FNDC3B: variants seen among roughly 807,000 people sequenced by gnomAD.
The protein encoded by FNDC3B is fibronectin type III domain-containing protein 3B.
Under a neutral mutation model 151.5 loss-of-function variants are expected in FNDC3B, and 12 were observed. That is an observed-to-expected ratio of 0.08 (90% confidence interval 0.05 to 0.13). The LOEUF is 0.13. Ranked by LOEUF, FNDC3B falls within the 10% of genes least tolerant of loss-of-function variation. The pLI is 1.00. For missense variants in FNDC3B, 1,214 were observed against 1,505.3 expected (o/e 0.81, Z 3.20); for synonymous variants, 528 against 549.0 (o/e 0.96, Z 0.54).
chr3:172,178,654 G>T (rs994386976), intron 3 of FNDC3B, among the ~76,000 whole-genome samples: 3 of 152,190 alleles, frequency 2.0e-5, no homozygotes, highest in African/African-American at 7.2e-5. Flanking sequence ...ACACTCAGCC[G>T]GGGCATCCCT....
intron 3 of FNDC3B, among the ~76,000 whole-genome samples, chr3:172,206,813 T>C (rs1725459294): frequency 6.6e-6 from 1 of 152,158 alleles, no homozygotes; most frequent in South Asian, 2.1e-4. Flanking sequence ...TTTTGCACAT[T>C]GTATTGACCA....
chr3:172,043,461 C>T (rs1716194714), intron 1 of FNDC3B, among the ~76,000 whole-genome samples: 1 of 152,184 alleles, frequency 6.6e-6, no homozygotes. Flanking sequence ...ATCCTCTCCC[C>T]TTAGCCTCTC....
At chr3:172,332,289 T>C (rs1732723445) in intron 13 of FNDC3B, among the ~76,000 whole-genome samples, 1 of 152,158 alleles carries the variant, frequency 6.6e-6, no homozygotes, top group African/African-American at 2.4e-5. Flanking sequence ...TTTTTAATTG[T>C]AATAAACTTA....
At chr3:172,386,132 T>G (rs1281906851) in intron 25 of FNDC3B, among the ~76,000 whole-genome samples, 1 of 152,214 alleles carries the variant, frequency 6.6e-6, no homozygotes, top group African/African-American at 2.4e-5. Context: ...AAGCACAGCT[T>G]TTTTTCCAGG....
chr3:172,296,503 C>G (rs911312736), intron 8 of FNDC3B, among the ~76,000 whole-genome samples: 1 of 152,194 alleles, frequency 6.6e-6, no homozygotes, highest in African/African-American at 2.4e-5. Flanking sequence ...GAGTCTCCTG[C>G]AGGTCTTCCA....
chr3:172,085,232 T>C (rs1718488723), intron 1 of FNDC3B, among the ~76,000 whole-genome samples: 1 of 152,184 alleles, frequency 6.6e-6, no homozygotes, highest in Non-Finnish European at 1.5e-5. Context: ...GCGTTTGGTT[T>C]TGTAGAGTGT....
chr3:172,357,375 G>T lies in FNDC3B; in HGVS notation c.2795+4292G>T, dbSNP rs550152346. Among the ~76,000 whole-genome samples the T allele has an allele frequency of 3.2e-4, 49 of 152,314 alleles. No homozygotes were observed. The Middle Eastern group carries it at 0.014, about 42-fold the overall frequency. On this transcript the variant is annotated intron_variant, in intron 22 of 25. Coordinates refer to ENST00000415807, the MANE Select transcript of FNDC3B (RefSeq NM_022763.4). ...TAATGCAAATTAAACAAAACAAAGA[G>T]ACCTGCAGATTTTATCTAAGTTTCA...
intron 11 of FNDC3B, among the ~76,000 whole-genome samples, chr3:172,320,648 A>T (rs963802120): frequency 6.6e-6 from 1 of 152,204 alleles, no homozygotes; most frequent in Non-Finnish European, 1.5e-5. Flanking sequence ...GGAAATACCC[A>T]CTTCTAGTGT....
At chr3:172,148,328 T>C (rs549540759) in intron 3 of FNDC3B, among the ~76,000 whole-genome samples, 1 of 152,274 alleles carries the variant, frequency 6.6e-6, no homozygotes, top group Admixed American at 6.5e-5. Context: ...CATCCCTTTT[T>C]CCCAGTCAAC....
At chr3:172,195,264 T>C (rs967562010) in intron 3 of FNDC3B, among the ~76,000 whole-genome samples, 6 of 152,022 alleles carry the variant, frequency 3.9e-5, no homozygotes, top group African/African-American at 1.2e-4. Context: ...GTATTTGCAA[T>C]GTATAGAAGA....
At chr3:172,356,939 C>T (rs900761711) in intron 22 of FNDC3B, among the ~76,000 whole-genome samples, 5 of 152,084 alleles carry the variant, frequency 3.3e-5, no homozygotes, top group Admixed American at 6.5e-5. Flanking sequence ...ATGGCCAGTC[C>T]TGATGAGGGA....
intron 3 of FNDC3B, among the ~76,000 whole-genome samples, chr3:172,153,470 GT>G (rs1722333412): frequency 6.6e-6 from 1 of 152,192 alleles, no homozygotes; most frequent in South Asian, 2.1e-4. Flanking sequence ...AGCCAGTGCT[GT>G]TTCCTGCTGA....
chr3:172,237,444 G>C (rs35779878), intron 4 of FNDC3B: 1 of 152,440 alleles, frequency 6.6e-6, no homozygotes, highest in Non-Finnish European at 1.5e-5. Context: ...GTGACCTCCT[G>C]AGAGCTGGGG....
At chr3:172,171,329 T>A (rs974025209) in intron 3 of FNDC3B, among the ~76,000 whole-genome samples, 16 of 152,238 alleles carry the variant, frequency 1.1e-4, no homozygotes, top group Admixed American at 6.5e-4. Context: ...TCATTTACAG[T>A]CTAGTGTGCA....
At chr3:172,346,582 C>A in intron 20 of FNDC3B, 142 bp downstream of exon 20, 1 of 426,828 alleles carries the variant, frequency 2.3e-6, no homozygotes, top group Middle Eastern at 5.8e-4. Flanking sequence ...CTATAGTAAT[C>A]ACCCTTGGCA....
intron 1 of FNDC3B, among the ~76,000 whole-genome samples, chr3:172,079,824 C>T (rs890860573): frequency 5.9e-5 from 9 of 151,936 alleles, no homozygotes; most frequent in East Asian, 1.9e-4. Flanking sequence ...GCAGAAAATC[C>T]GTTTCTTCAA....
chr3:172,312,713 C>G, intron 11 of FNDC3B, among the ~76,000 whole-genome samples: 1 of 152,058 alleles, frequency 6.6e-6, no homozygotes, highest in Non-Finnish European at 1.5e-5. Flanking sequence ...TGCCTAAGAC[C>G]GTGAGTTCCT....
chr3:172,219,168 C>T (rs1202769482), intron 3 of FNDC3B, among the ~76,000 whole-genome samples: 1 of 152,150 alleles, frequency 6.6e-6, no homozygotes, highest in African/African-American at 2.4e-5. Context: ...CTAACGTTTC[C>T]ACAAGATAGT....
chr3:172,075,561 A>G (rs771741037), intron 1 of FNDC3B, among the ~76,000 whole-genome samples: 3 of 152,116 alleles, frequency 2.0e-5, no homozygotes, highest in Non-Finnish European at 4.4e-5. Flanking sequence ...TGACCCTTCA[A>G]CTTTTAGAAG....
Sources: allele counts gnomAD v4.1 joint callset (sites outside exome capture counted in the v4.1 genomes callset), GRCh38; gene constraint gnomAD v4.1.1; transcripts MANE v1.5; gene names NCBI Gene and HGNC (gene_info 2026-07-23, HGNC 2026-07-21).